Variants in TNS1 observed in about 807,000 individuals in gnomAD.
The protein encoded by TNS1 is tensin 1, also known as tensin-1.
TNS1 carries 62 observed loss-of-function variants against 168.6 expected under a neutral mutation model. The observed-to-expected ratio is 0.37, with a 90% CI of 0.30 to 0.45. TNS1 has a LOEUF of 0.45. TNS1 is among the 20% of genes least tolerant of loss of function. The pLI is 1.00. For missense variants in TNS1, 2,240 were observed against 2,339.4 expected (o/e 0.96, Z 0.88); for synonymous variants, 934 against 933.2 (o/e 1.00, Z -0.02).
chr2:217,909,677 T>C (rs1954136287), intron 4 of TNS1, among the ~76,000 whole-genome samples: 1 of 152,102 alleles, frequency 6.6e-6, no homozygotes, highest in African/African-American at 2.4e-5. Flanking sequence ...CAGATGCTTC[T>C]CCGAGAACAA....
chr2:217,981,225 T>C (rs1477748767), intron 2 of TNS1, among the ~76,000 whole-genome samples: 1 of 152,198 alleles, frequency 6.6e-6, no homozygotes, highest in African/African-American at 2.4e-5. Context: ...ACAGCTGGGC[T>C]CATGCACAGT....
At chr2:217,931,505 C>T (rs1416335789) in intron 3 of TNS1, among the ~76,000 whole-genome samples, 1 of 152,132 alleles carries the variant, frequency 6.6e-6, no homozygotes, top group African/African-American at 2.4e-5. Flanking sequence ...ATAGAGAATT[C>T]TGAGGCTGGG....
chr2:217,821,903 C>T lies in TNS1; in HGVS notation c.3409G>A (p.Ala1137Thr), dbSNP rs1421698835. 1 of 1,588,354 alleles carries T rather than the reference C, an allele frequency of 6.3e-7. No homozygotes were observed. Among genetic ancestry groups the T allele is most frequent in the Admixed American group, 1.8e-5 (1 of 55,900 alleles). ...RSYVESVART[A>T]VAGPRAQDSE... Reference sequence around the variant, plus strand: ...TCCTGAGCTCGGGGTCCAGCCACCGCTGTCCGTGCCACAGACTCCACATAG... The same window carrying T: ...TCCTGAGCTCGGGGTCCAGCCACCGTTGTCCGTGCCACAGACTCCACATAG... Residue 1137 changes from alanine to threonine, a missense_variant, in exon 23 of 33, where the codon GCG becomes ACG. Physicochemically the swap from Ala to Thr is moderately conservative, Grantham distance 58. Transcript: ENST00000682258.
chr2:217,874,934 A>C (rs1436939445), intron 18 of TNS1, among the ~76,000 whole-genome samples: 1 of 152,218 alleles, frequency 6.6e-6, no homozygotes, highest in Non-Finnish European at 1.5e-5. Context: ...TAGGTCCCAT[A>C]GCCTTAATTC....
chr2:217,888,826 T>C (rs1321379193), intron 12 of TNS1, among the ~76,000 whole-genome samples: 1 of 152,204 alleles, frequency 6.6e-6, no homozygotes, highest in Non-Finnish European at 1.5e-5. Context: ...GTCTTGGGTA[T>C]GTCTTTATCA....
intron 13 of TNS1, 146 bp from the exon 14 acceptor site, chr2:217,886,250 G>T: frequency 1.2e-6 from 1 of 848,862 alleles, no homozygotes; most frequent in Non-Finnish European, 1.8e-6. Flanking sequence ...AGAGGAAAGA[G>T]TAAAAGAGGA....
chr2:217,952,876 G>T (rs926554817), intron 3 of TNS1, among the ~76,000 whole-genome samples: 1 of 152,196 alleles, frequency 6.6e-6, no homozygotes, highest in Non-Finnish European at 1.5e-5. Flanking sequence ...CTCACAAAAT[G>T]TTGAGGATTT....
chr2:217,914,474 T>C (rs576579043), intron 4 of TNS1, among the ~76,000 whole-genome samples: 31 of 152,102 alleles, frequency 2.0e-4, no homozygotes, highest in African/African-American at 7.2e-4. Context: ...GCCTTATACC[T>C]GATAGGTATC....
At chr2:218,011,437 G>A (rs563176163), upstream of TNS1, among the ~76,000 whole-genome samples, 1 of 152,300 alleles carries the variant, frequency 6.6e-6, no homozygotes, top group South Asian at 2.1e-4. Context: ...CAGCCAAGCC[G>A]GGAGAGAAGA....
intron 1 of TNS1, among the ~76,000 whole-genome samples, chr2:218,029,166 C>T (rs1321285416): frequency 6.6e-6 from 1 of 152,220 alleles, no homozygotes; most frequent in East Asian, 1.9e-4. Context: ...CCCACCCACC[C>T]CACTCCAATG....
rs768594595 is a variant in TNS1, at chr2:217,804,366, TC to T, written c.*92del. ...TCTCTCCTCCGAAATTGGCCCAAAG[TC>T]CTCCTTCTGGGTTCAAGAGTGGTCA... On this transcript the variant is annotated 3_prime_UTR_variant, in exon 33 of 33. Transcript: ENST00000682258. The T allele has an allele frequency of 6.6e-7, 1 of 1,504,304 alleles. No individual in the cohort carries two copies. The allele number at this position is 1,504,304 out of a possible 1,614,324, so 93.2% of individuals were successfully genotyped here.
chr2:217,852,126 C>A (rs1947586408), intron 18 of TNS1, among the ~76,000 whole-genome samples: 1 of 152,142 alleles, frequency 6.6e-6, no homozygotes, highest in Admixed American at 6.5e-5. Context: ...GCCTGGGTGA[C>A]AGAGCAAGAC....
At chr2:217,921,187 GT>G (rs888279869) in intron 3 of TNS1, among the ~76,000 whole-genome samples, 2 of 152,184 alleles carry the variant, frequency 1.3e-5, no homozygotes, top group African/African-American at 4.8e-5. Flanking sequence ...GCCAGGACAC[GT>G]TTTTCTTGGA....
chr2:217,822,586 C>T (rs1398140462), intron 22 of TNS1, among the ~76,000 whole-genome samples: 1 of 152,228 alleles, frequency 6.6e-6, no homozygotes, highest in East Asian at 1.9e-4. Context: ...CGGAACTCAA[C>T]ATTCCATCGC....
rs1244386182 is a variant in TNS1 at position 217,900,417 on chromosome 2, C to A, written c.371+46G>T. Reference sequence around the variant, plus strand: ...ACTTAACAGGGACACCCACAGTGACCCCCCTGCTTGCACTCCCGCCCCCTG... The same window carrying A: ...ACTTAACAGGGACACCCACAGTGACACCCCTGCTTGCACTCCCGCCCCCTG... On this transcript the variant is annotated intron_variant, in intron 7 of 32. Transcript: ENST00000682258. 6 of 1,529,142 alleles carry A rather than the reference C, an allele frequency of 3.9e-6. 1 individual carries two copies. Among genetic ancestry groups the A allele is most frequent in the South Asian group, 3.6e-5 (3 of 83,770 alleles). 94.7% of individuals were successfully genotyped at this position (1,529,142 alleles called of 1,614,324 possible). A position where few individuals can be genotyped will look rare whatever the true frequency, so the allele number is the denominator to read the frequency against.
At position 217,813,444 on chromosome 2, in the gene TNS1, C is replaced by A. The variant is rs975036820; in HGVS notation, c.4862-137G>T. 2.2e-6 allele frequency: 2 copies of A among 910,180 alleles called. No individual in the cohort carries two copies. Among genetic ancestry groups the A allele is most frequent in the Non-Finnish European group, 3.4e-6 (2 of 588,850 alleles). 56.4% of individuals were successfully genotyped at this position (910,180 alleles called of 1,614,324 possible). A position where few individuals can be genotyped will look rare whatever the true frequency, so the allele number is the denominator to read the frequency against. ...GACTGAAGAGAGAACGTGGCTGGAG[C>A]CCCATGGACTGCAGAGCCCACTGCT... On this transcript the variant is annotated intron_variant, in intron 26 of 32. Coordinates refer to ENST00000682258, the MANE Select transcript of TNS1 (RefSeq NM_001387777.1). The surrounding 1 kb of genome is among the most constrained non-coding windows in gnomAD (Gnocchi z 4.0).
Position 217,813,770 on chromosome 2 carries a change from G to T in TNS1, c.4776C>A (p.Arg1592=). The T allele has an allele frequency of 6.2e-7, 1 of 1,613,950 alleles. No homozygotes were observed. The highest frequency in any genetic ancestry group is 8.5e-7 in the Non-Finnish European group (1 of 1,179,884). Reference sequence around the variant, plus strand: ...ACGCGCCTCGGAAGGAGTGACTGTCGCGGATGATGAAGGCCCCCGGCTCCT... The same window carrying T: ...ACGCGCCTCGGAAGGAGTGACTGTCTCGGATGATGAAGGCCCCCGGCTCCT... ...KDQEPGAFII[R]DSHSFRGAYG... is the part of the protein sequence containing the mutation. Residue 1592 remains arginine (R), a synonymous_variant, in exon 26 of 33, where the codon CGC becomes CGA. Transcript: ENST00000682258. This position sits in a 1 kb window ranked among gnomAD's most constrained non-coding sequence, Gnocchi z 4.0.
chr2:218,014,926 AGGCAGGC>A (rs1958744405), upstream of TNS1, among the ~76,000 whole-genome samples: 6 of 138,202 alleles, frequency 4.3e-5, no homozygotes, highest in East Asian at 2.0e-4. Context: ...GAAGGAAGGC[AGGCAGGC>A]AGGCAGGCAG....
chr2:217,899,348 G>C (rs1455008940), intron 7 of TNS1, among the ~76,000 whole-genome samples: 1 of 152,188 alleles, frequency 6.6e-6, no homozygotes, highest in East Asian at 1.9e-4. Context: ...AGCTGTGGGG[G>C]AGAAGTTTCT....
Sources: allele counts gnomAD v4.1 joint callset (sites outside exome capture counted in the v4.1 genomes callset), GRCh38; gene constraint gnomAD v4.1.1; non-coding constraint Gnocchi (gnomAD v3.1); transcripts MANE v1.5; gene names NCBI Gene and HGNC (gene_info 2026-07-23, HGNC 2026-07-21).